The following ZNF236 variants were observed in gnomAD, a reference collection of about 807,000 sequenced individuals.
The protein encoded by ZNF236 is zinc finger protein 236.
A neutral mutation model predicts 191.2 loss-of-function variants in ZNF236; 50 were observed. The ratio of observed to expected loss-of-function variants is 0.26; its 90% CI spans 0.21 to 0.33. ZNF236 has a LOEUF of 0.33. ZNF236 is among the 10% of genes least tolerant of loss of function. The probability of loss-of-function intolerance (pLI) is 1.00; values close to 1 mark genes in which losing one functional copy is unlikely to be tolerated. For missense variants in ZNF236, 1,754 were observed against 2,374.5 expected (o/e 0.74, Z 5.43); for synonymous variants, 907 against 928.8 (o/e 0.98, Z 0.43).
chr18:76,884,103 T>C (rs1028847493), intron 9 of ZNF236, among the ~76,000 whole-genome samples: 1 of 152,210 alleles, frequency 6.6e-6, no homozygotes, highest in Non-Finnish European at 1.5e-5. Context: ...GAATTTTTAG[T>C]AAAGTTTGAA....
chr18:76,872,478 T>C (rs1454761156), intron 5 of ZNF236, among the ~76,000 whole-genome samples: 3 of 152,160 alleles, frequency 2.0e-5, no homozygotes, highest in Non-Finnish European at 4.4e-5. Flanking sequence ...TTAAAAATAA[T>C]AAAATTAAAA....
At position 76,968,745 on chromosome 18, in the gene ZNF236, T is replaced by C; in HGVS notation, c.*406T>C. ...TTCATGTTTCTGGTTATAAGAAGCA[T>C]AGCTTACAAAGCAAGCGTAAGATTG... On this transcript the variant is annotated 3_prime_UTR_variant, in exon 31 of 31. Coordinates refer to ENST00000320610, the MANE Select transcript of ZNF236 (RefSeq NM_001306089.2). 5.0e-6 allele frequency: 5 copies of C among 998,008 alleles called. No individual in the cohort carries two copies. Among genetic ancestry groups the C allele is most frequent in the Non-Finnish European group, 6.0e-6 (5 of 838,514 alleles). The allele number at this position is 998,008 out of a possible 1,614,324, so 61.8% of individuals were successfully genotyped here. A position where few individuals can be genotyped will look rare whatever the true frequency, so the allele number is the denominator to read the frequency against.
At position 76,937,216 on chromosome 18, in the gene ZNF236, C is replaced by G; in HGVS notation, c.4655C>G (p.Ser1552Trp). 6.2e-7 allele frequency: 1 copy of G among 1,614,182 alleles called. No homozygotes were observed. ...STTPMSPSAI[S>W]TQNLVMSSSG... is the part of the protein sequence containing the mutation. ...ACACCGATGTCTCCATCGGCCATCT[C>G]GACTCAGAACCTGGTCATGTCCTCG... Residue 1552 changes from serine (S) to tryptophan (W), a missense_variant, in exon 26 of 31, where the codon TCG becomes TGG. Around this residue, in one of 5 missense-constraint regions of ZNF236, gnomAD observed 606 missense variants for 761.5 expected, o/e 0.80. Coordinates refer to ENST00000320610, the MANE Select transcript of ZNF236 (RefSeq NM_001306089.2).
At chr18:76,963,695 T>C (rs1968712270) in intron 30 of ZNF236, among the ~76,000 whole-genome samples, 2 of 152,174 alleles carry the variant, frequency 1.3e-5, no homozygotes, top group Non-Finnish European at 2.9e-5. Flanking sequence ...TGTGAATCCA[T>C]CTGGTTGTGG....
chr18:76,880,097 T>C lies in ZNF236; in HGVS notation c.985-16T>C, dbSNP rs749777382. 6.3e-7 allele frequency: 1 copy of C among 1,579,610 alleles called. No homozygotes were observed. The highest frequency in any genetic ancestry group is 8.6e-7 in the Non-Finnish European group (1 of 1,164,736). ...AGCAAAATTGTATTTTTAATGAAAATGTTTCTGTGTTTCAGGCCACACTTT... is the reference window on the plus strand; with the variant it reads ...AGCAAAATTGTATTTTTAATGAAAACGTTTCTGTGTTTCAGGCCACACTTT... On this transcript the variant is annotated splice_polypyrimidine_tract_variant and intron_variant, in intron 7 of 30. Coordinates refer to ENST00000320610, the MANE Select transcript of ZNF236 (RefSeq NM_001306089.2). The surrounding 1 kb of genome is among the most constrained non-coding windows in gnomAD (Gnocchi z 5.0).
intron 3 of ZNF236, among the ~76,000 whole-genome samples, chr18:76,855,614 C>T (rs1481325828): frequency 1.3e-5 from 2 of 152,214 alleles, no homozygotes; most frequent in Non-Finnish European, 2.9e-5. Flanking sequence ...ATTAGGAAGT[C>T]ACTGCTGTTA....
At chr18:76,911,201 T>G (rs1461943520) in intron 16 of ZNF236, among the ~76,000 whole-genome samples, 2 of 152,236 alleles carry the variant, frequency 1.3e-5, no homozygotes, top group Non-Finnish European at 2.9e-5. Flanking sequence ...TTAAAAAATA[T>G]TTAAATGCAT....
chr18:76,844,126 G>T (rs1975606760), intron 1 of ZNF236, among the ~76,000 whole-genome samples: 1 of 151,912 alleles, frequency 6.6e-6, no homozygotes, highest in African/African-American at 2.4e-5. Context: ...TGTAATCCCA[G>T]CTACTCTAGA....
At chr18:76,847,800 G>C (rs566492973) in intron 1 of ZNF236, among the ~76,000 whole-genome samples, 2 of 152,162 alleles carry the variant, frequency 1.3e-5, no homozygotes, top group Admixed American at 1.3e-4. Flanking sequence ...ATTTGGGCCT[G>C]GGAAGTCATA....
At chr18:76,933,888 C>T (rs374214959) in intron 25 of ZNF236, among the ~76,000 whole-genome samples, 3 of 152,118 alleles carry the variant, frequency 2.0e-5, no homozygotes, top group African/African-American at 7.2e-5. Context: ...AGGAGATTGC[C>T]TCTTAGTGAG....
In ZNF236 at chr18:76,972,212, C is replaced by T. The variant is rs919494689; in HGVS notation, c.*3873C>T. Among the ~76,000 whole-genome samples, 6 of 152,346 alleles carry T rather than the reference C, an allele frequency of 3.9e-5. No individual in the cohort carries two copies. The highest frequency in any genetic ancestry group is 3.9e-4 in the East Asian group (2 of 5,186). On this transcript the variant is annotated 3_prime_UTR_variant, in exon 31 of 31. Coordinates refer to ENST00000320610, the MANE Select transcript of ZNF236 (RefSeq NM_001306089.2). ...CCCATATTCTAATGAAAAGATCGTA[C>T]GCCAAAGGCCACTGAGCTGGCATCT... is the stretch of plus-strand genomic sequence containing the variant.
chr18:76,875,241 G>T lies in ZNF236; in HGVS notation c.668-251G>T, dbSNP rs1976680616. ...CCTGATCCCCTGGAAGGATGGCATT[G>T]CCTGATCCCCTGGAAGGATGGCATT... On this transcript the variant is annotated intron_variant, in intron 5 of 30. Transcript: ENST00000320610. The surrounding 1 kb of genome is among the most constrained non-coding windows in gnomAD (Gnocchi z 4.3). Among the ~76,000 whole-genome samples, 1 of 152,176 alleles carries T rather than the reference G, an allele frequency of 6.6e-6. No homozygotes were observed. Among genetic ancestry groups the T allele is most frequent in the African/African-American group, 2.4e-5 (1 of 41,446 alleles).
At chr18:76,865,359 CA>C (rs921099909) in intron 3 of ZNF236, among the ~76,000 whole-genome samples, 1 of 151,698 alleles carries the variant, frequency 6.6e-6, no homozygotes, top group African/African-American at 2.4e-5. Flanking sequence ...CAAAACAAAA[CA>C]AAAAAAACCT....
chr18:76,825,313 C>T (rs1248396084), intron 1 of ZNF236, among the ~76,000 whole-genome samples: 1 of 152,156 alleles, frequency 6.6e-6, no homozygotes, highest in Non-Finnish European at 1.5e-5. Context: ...CTGGGGGTTC[C>T]CTGAGATGTT....
At chr18:76,923,699 C>G (rs1255104599) in intron 21 of ZNF236, among the ~76,000 whole-genome samples, 1 of 152,150 alleles carries the variant, frequency 6.6e-6, no homozygotes, top group Non-Finnish European at 1.5e-5. Flanking sequence ...CTGCCTCTGC[C>G]TGCTTGGGAA....
intron 3 of ZNF236, among the ~76,000 whole-genome samples, chr18:76,864,493 C>G (rs1011735419): frequency 2.0e-5 from 3 of 152,102 alleles, no homozygotes. Context: ...AGCCACCGCA[C>G]CTGGCCAACA....
At chr18:76,953,713 A>G (rs1412576248) in intron 27 of ZNF236, among the ~76,000 whole-genome samples, 3 of 152,178 alleles carry the variant, frequency 2.0e-5, no homozygotes, top group African/African-American at 7.2e-5. Flanking sequence ...AAGGGTGATC[A>G]TGTGCCCAGG....
At chr18:76,894,692 T>A (rs1977348935) in intron 9 of ZNF236, among the ~76,000 whole-genome samples, 1 of 152,232 alleles carries the variant, frequency 6.6e-6, no homozygotes, top group Non-Finnish European at 1.5e-5. Flanking sequence ...GTTCCCTGCA[T>A]TAAGCATGAG....
At chr18:76,894,537 A>G (rs1977345156) in intron 9 of ZNF236, among the ~76,000 whole-genome samples, 1 of 152,246 alleles carries the variant, frequency 6.6e-6, no homozygotes, top group Non-Finnish European at 1.5e-5. Flanking sequence ...GAATTGATAT[A>G]TACTATTTGT....
Sources: allele counts gnomAD v4.1 joint callset (sites outside exome capture counted in the v4.1 genomes callset), GRCh38; gene constraint gnomAD v4.1.1; regional missense constraint gnomAD v4.1.1; non-coding constraint Gnocchi (gnomAD v3.1); transcripts MANE v1.5; gene names NCBI Gene and HGNC (gene_info 2026-07-23, HGNC 2026-07-21).